Variants in SLC1A6 observed in about 807,000 individuals in gnomAD.
SLC1A6 encodes solute carrier family 1 member 6, also known as excitatory amino acid transporter 4.
A neutral mutation model predicts 42.1 loss-of-function variants in SLC1A6; 15 were observed. The observed-to-expected ratio is 0.36, with a 90% CI of 0.24 to 0.55. SLC1A6 has a LOEUF of 0.55. Among genes scored for constraint, SLC1A6 ranks in the 20% least tolerant of loss-of-function variants. The pLI is 0.88. For missense variants in SLC1A6, 542 were observed against 772.5 expected (o/e 0.70, Z 3.54); for synonymous variants, 317 against 319.7 (o/e 0.99, Z 0.09).
intron 1 of SLC1A6, among the ~76,000 whole-genome samples, chr19:15,002,939 T>C (rs1214659564): frequency 1.3e-5 from 2 of 152,064 alleles, no homozygotes; most frequent in Non-Finnish European, 2.9e-5. Context: ...GTGTTTTTCA[T>C]TTTTGTCTTT....
chr19:14,965,572 G>A (rs897446893), intron 4 of SLC1A6, among the ~76,000 whole-genome samples: 1 of 152,088 alleles, frequency 6.6e-6, no homozygotes, highest in Non-Finnish European at 1.5e-5. Flanking sequence ...GAAATAGGCT[G>A]GGTGCAGTGG....
chr19:14,985,805 A>G (rs1433758928), intron 1 of SLC1A6, among the ~76,000 whole-genome samples: 1 of 152,146 alleles, frequency 6.6e-6, no homozygotes, highest in Non-Finnish European at 1.5e-5. Context: ...TCTACTTACA[A>G]TACAAAAATT....
chr19:14,992,535 G>A (rs1232161379), intron 1 of SLC1A6, among the ~76,000 whole-genome samples: 1 of 152,088 alleles, frequency 6.6e-6, no homozygotes, highest in Non-Finnish European at 1.5e-5. Context: ...GTGCGCACCT[G>A]TAATCCCAGC....
rs2145194822 is a variant in SLC1A6, at chr19:14,968,489, T to G, written c.362A>C (p.Asn121Thr). The part of the protein sequence containing the change: ...SLVTGMASLD[N>T]KATGRMGMRA... Reference sequence around the variant, plus strand: ...CATCCCCATCCGCCCCGTGGCCTTGTTGTCCAGGGATGCCATACCTGAAGG... The same window carrying G: ...CATCCCCATCCGCCCCGTGGCCTTGGTGTCCAGGGATGCCATACCTGAAGG... The change falls in exon 4 of 10, where the codon AAC becomes ACC. Residue 121 changes from asparagine (N) to threonine (T), a missense_variant. Physicochemically the swap from Asn to Thr is moderately conservative, Grantham distance 65 (BLOSUM62 0). Transcript: ENST00000594383. The G allele has an allele frequency of 6.2e-7, 1 of 1,611,644 alleles. No individual in the cohort carries two copies. Among genetic ancestry groups the G allele is most frequent in the Non-Finnish European group, 8.5e-7 (1 of 1,178,736 alleles).
At position 14,962,279 on chromosome 19, in the gene SLC1A6, G is replaced by A. The variant is rs1340130700; in HGVS notation, c.658C>T (p.Pro220Ser). The change falls in exon 6 of 10, where the codon CCG (proline) becomes TCG (serine). Residue 220 changes from proline to serine, a missense_variant. Physicochemically the swap from Pro to Ser is moderately conservative, Grantham distance 74. Coordinates refer to ENST00000594383, the MANE Select transcript of SLC1A6 (RefSeq NM_005071.3). ...TMVRTENGSE[P>S]GASMPPPFSV... is the part of the protein sequence containing the mutation. ...AATGGAGGAGGCATGGAGGCACCCG[G>A]CTCAGACCCGTTCTCTGTCCTCACC... 6 of 1,614,090 alleles carry A rather than the reference G, an allele frequency of 3.7e-6. No homozygotes were observed. The highest frequency in any genetic ancestry group is 5.1e-6 in the Non-Finnish European group (6 of 1,179,976).
intron 9 of SLC1A6, among the ~76,000 whole-genome samples, chr19:14,952,314 T>C (rs12973558): frequency 0.72 from 108,076 of 149,288 alleles, 39,581 homozygotes; most frequent in African/African-American, 0.84. Context: ...TTTGGGAGGC[T>C]GAGGCAGGTG....
intron 1 of SLC1A6, among the ~76,000 whole-genome samples, chr19:14,995,326 C>CAAAAA (rs1173848535): frequency 4.3e-4 from 23 of 52,912 alleles, no homozygotes; most frequent in Admixed American, 1.1e-3. Flanking sequence ...ACTCCATCTC[C>CAAAAA]AAAAAAAAAA....
At chr19:14,962,392 T>C in intron 5 of SLC1A6, 47 bp from the exon 6 acceptor site, 2 of 1,418,890 alleles carry the variant, frequency 1.4e-6, no homozygotes, top group Non-Finnish European at 9.8e-7. Flanking sequence ...GCGGATGCAT[T>C]AGAATCGCCT....
intron 1 of SLC1A6, among the ~76,000 whole-genome samples, chr19:15,001,707 C>CTGGAG (rs200060854): frequency 0.097 from 14,792 of 152,178 alleles, 871 homozygotes; most frequent in East Asian, 0.2. Flanking sequence ...GTCACTCAGG[C>CTGGAG]TGGAGTGCAG....
intron 9 of SLC1A6, among the ~76,000 whole-genome samples, chr19:14,950,991 A>C (rs1048205275): frequency 6.7e-6 from 1 of 149,174 alleles, no homozygotes; most frequent in African/African-American, 2.5e-5. Context: ...CATGCTTATA[A>C]TCCCAGCACA....
intron 4 of SLC1A6, among the ~76,000 whole-genome samples, chr19:14,967,958 C>G (rs1568289769): frequency 6.6e-6 from 1 of 152,144 alleles, no homozygotes; most frequent in Non-Finnish European, 1.5e-5. Context: ...ATGTATAAAG[C>G]CTAAATGTGA....
intron 1 of SLC1A6, among the ~76,000 whole-genome samples, chr19:14,985,477 C>G (rs1183712157): frequency 6.6e-6 from 1 of 152,196 alleles, no homozygotes; most frequent in Non-Finnish European, 1.5e-5. Flanking sequence ...CCTCCTCCCT[C>G]TCTCTTTCTT....
chr19:14,974,508 C>A (rs1211758979), intron 1 of SLC1A6: 1 of 151,858 alleles, frequency 6.6e-6, no homozygotes, highest in Non-Finnish European at 1.5e-5. Flanking sequence ...TGTCTACCAA[C>A]TAAACACCTC....
chr19:15,002,045 T>C (rs961626639), intron 1 of SLC1A6, among the ~76,000 whole-genome samples: 1 of 152,162 alleles, frequency 6.6e-6, no homozygotes, highest in African/African-American at 2.4e-5. Context: ...GAATGGAGAA[T>C]GAAAACCTGA....
At chr19:14,989,630 T>C (rs1326962133) in intron 1 of SLC1A6, among the ~76,000 whole-genome samples, 1 of 151,856 alleles carries the variant, frequency 6.6e-6, no homozygotes, top group African/African-American at 2.4e-5. Context: ...ATGTGCTCTG[T>C]TGGTGGGAAT....
chr19:14,997,113 C>G (rs2045851105), intron 1 of SLC1A6, among the ~76,000 whole-genome samples: 1 of 152,172 alleles, frequency 6.6e-6, no homozygotes, highest in Admixed American at 6.5e-5. Context: ...AATTTCCTTG[C>G]AGGCAAAGGA....
chr19:14,962,101 C>T lies in SLC1A6; in HGVS notation c.836G>A (p.Gly279Glu). Residue 279 changes from glycine (G) to glutamate (E), a missense_variant, in exon 6 of 10, where the codon GGG becomes GAG. Physicochemically the swap from Gly to Glu is moderately conservative, Grantham distance 98. This residue lies in a region of SLC1A6 where 298 missense variants were observed against 419.4 expected (regional missense o/e 0.71). Transcript: ENST00000594383. ...LGLVVFSVAF[G>E]LVIGGMKHKG... ...GTGTTTCATGCCACCAATGACCAGC[C>T]CAAAGGCCACAGAGAAGACCACGAG... is the stretch of plus-strand genomic sequence containing the variant. 6.2e-7 allele frequency: 1 copy of T among 1,614,204 alleles called. No individual in the cohort carries two copies. Among genetic ancestry groups the T allele is most frequent in the Non-Finnish European group, 8.5e-7 (1 of 1,180,034 alleles).
At chr19:14,987,898 G>T (rs1021135937) in intron 1 of SLC1A6, among the ~76,000 whole-genome samples, 1 of 152,106 alleles carries the variant, frequency 6.6e-6, no homozygotes, top group African/African-American at 2.4e-5. Context: ...TGACTCTGTT[G>T]CCCAGGCTGA....
intron 5 of SLC1A6, among the ~76,000 whole-genome samples, chr19:14,962,878 G>A (rs1225835290): frequency 1.3e-5 from 2 of 152,068 alleles, no homozygotes; most frequent in East Asian, 3.9e-4. Flanking sequence ...ACTCCAACCT[G>A]GCGACAGAGT....
Sources: allele counts gnomAD v4.1 joint callset (sites outside exome capture counted in the v4.1 genomes callset), GRCh38; gene constraint gnomAD v4.1.1; regional missense constraint gnomAD v4.1.1; transcripts MANE v1.5; gene names NCBI Gene and HGNC (gene_info 2026-07-23, HGNC 2026-07-21).